The following TTN variants were observed in gnomAD, a reference collection of about 807,000 sequenced individuals.
The protein encoded by TTN is titin, also known as connectin.
In TTN, 1,525 loss-of-function variants were observed where a neutral mutation model predicts 3,223.0. The ratio of observed to expected loss-of-function variants is 0.47; its 90% CI spans 0.45 to 0.49. TTN has a LOEUF of 0.49. Among genes scored for constraint, TTN ranks in the 20% least tolerant of loss-of-function variants. The probability of loss-of-function intolerance (pLI) is 0.00; values close to 1 mark genes in which losing one functional copy is unlikely to be tolerated. For synonymous variants in TTN, 14,094 were observed against 15,161.0 expected (o/e 0.93, Z 5.17); for missense variants, 40,786 against 43,424.0 (o/e 0.94, Z 5.40).
intron 316 of TTN, 144 bp downstream of exon 316, chr2:178,581,355 C>G (rs2047698591): frequency 3.7e-6 from 2 of 534,034 alleles, no homozygotes; most frequent in Non-Finnish European, 5.9e-6. Flanking sequence ...CGTAAAGTAC[C>G]CACCCAGCTC....
At position 178,756,356 on chromosome 2, in the gene TTN, T is replaced by C; in HGVS notation, c.11120A>G (p.Lys3707Arg). 6.2e-7 allele frequency: 1 copy of C among 1,613,904 alleles called. No individual in the cohort carries two copies. The highest frequency in any genetic ancestry group is 8.5e-7 in the Non-Finnish European group (1 of 1,179,830). The stretch of plus-strand genomic sequence containing the variant: ...CTGAATATTTCCATTTTGTGATTGT[T>C]TCAGTCTCTCGGATTCCTCTATCTT... ...GAKIEESERLKQSQNGNIQFL... is the reference protein window; with the variant it reads ...GAKIEESERLRQSQNGNIQFL... The change falls in exon 46 of 363, where the codon AAA becomes AGA. Residue 3707 changes from lysine (K) to arginine (R), a missense_variant. By Grantham distance (26) the Lys-to-Arg change is conservative. Coordinates refer to ENST00000589042, the MANE Select transcript of TTN (RefSeq NM_001267550.2).
rs200165636 is a variant in TTN, at chr2:178,802,167, G to A, written c.266C>T (p.Ala89Val). 8.1e-6 allele frequency: 13 copies of A among 1,613,970 alleles called. No individual in the cohort carries two copies. Among genetic ancestry groups the A allele is most frequent in the South Asian group, 5.5e-5 (5 of 91,080 alleles). ...SLKATNGSGQ[A>V]TSTAELLVKA... ...CACGAGAAGCTCAGCAGTACTAGTC[G>A]CTTGTCCAGATCCATTGGTGGCTTT... is the stretch of plus-strand genomic sequence containing the variant. Residue 89 changes from alanine (A) to valine (V), a missense_variant, in exon 3 of 363, where the codon GCG becomes GTG. Coordinates refer to ENST00000589042, the MANE Select transcript of TTN (RefSeq NM_001267550.2).
At chr2:178,753,025 C>T in intron 47 of TTN, 99 bp downstream of exon 47, 4 of 937,666 alleles carry the variant, frequency 4.3e-6, no homozygotes, top group Non-Finnish European at 6.6e-6. Context: ...ATATCTATGT[C>T]ATTTTTTTCT....
At position 178,709,863 on chromosome 2, in the gene TTN, G is replaced by A. The variant is rs1218265312; in HGVS notation, c.28463-7C>T. 1.2e-6 allele frequency: 2 copies of A among 1,605,260 alleles called. No homozygotes were observed. Among genetic ancestry groups the A allele is most frequent in the South Asian group, 1.1e-5 (1 of 90,372 alleles). On this transcript the variant is annotated splice_polypyrimidine_tract_variant and splice_region_variant and intron_variant, in intron 98 of 362. Transcript: ENST00000589042. Reference sequence around the variant, plus strand: ...CTTGGTGGGATGAGCCGCTCTATAAGAAATTGCAAGGATATATGAAGTAGA... The same window carrying A: ...CTTGGTGGGATGAGCCGCTCTATAAAAAATTGCAAGGATATATGAAGTAGA...
chr2:178,630,870 G>C lies in TTN; in HGVS notation c.44088C>G (p.Thr14696=), dbSNP rs749706106. The C allele has an allele frequency of 4.3e-6, 7 of 1,613,290 alleles. No homozygotes were observed. In the Admixed American group the frequency reaches 6.7e-5, roughly 15 times the overall value. The change falls in exon 238 of 363, where the codon ACC becomes ACG. Residue 14696 remains threonine, a synonymous_variant. Coordinates refer to ENST00000589042, the MANE Select transcript of TTN (RefSeq NM_001267550.2). ...CGTGGATATCATCTTCAGAGATTTC[G>C]GTTTCAAAGCGTGCTGTCTCAGTCT... ...VMETETARFE[T]EISEDDIHAN...
rs2075619608 is a variant in TTN at position 178,704,972 on chromosome 2, A to G, written c.29605-6T>C. Reference sequence around the variant, plus strand: ...CTCTCTATTTCCTCAATTTCCTGAGAAGAACAAAAATGATAGGCATTACAG... The same window carrying G: ...CTCTCTATTTCCTCAATTTCCTGAGGAGAACAAAAATGATAGGCATTACAG... On this transcript the variant is annotated splice_polypyrimidine_tract_variant and splice_region_variant and intron_variant, in intron 103 of 362. Transcript: ENST00000589042. 1 of 1,611,768 alleles carries G rather than the reference A, an allele frequency of 6.2e-7. No homozygotes were observed. Among genetic ancestry groups the G allele is most frequent in the African/African-American group, 1.3e-5 (1 of 74,982 alleles).
intron 47 of TTN, chr2:178,748,405 AC>A: frequency 6.2e-7 from 1 of 1,613,222 alleles, no homozygotes; most frequent in African/African-American, 1.3e-5. Flanking sequence ...TATTTTGCAC[AC>A]TTTTAGAGAT....
rs1691408114 is a variant in TTN, at chr2:178,536,156, T to G, written c.100591A>C (p.Arg33531=). 2 of 1,613,676 alleles carry G rather than the reference T, an allele frequency of 1.2e-6. No individual in the cohort carries two copies. The highest frequency in any genetic ancestry group is 8.5e-7 in the Non-Finnish European group (1 of 1,179,716). Reference sequence around the variant, plus strand: ...TCTGCAATGATTTCTTTGCCTTGTCTGTACCATTTGACGATAGGTTTTGGA... The same window carrying G: ...TCTGCAATGATTTCTTTGCCTTGTCGGTACCATTTGACGATAGGTTTTGGA... ...GHPKPIVKWY[R]QGKEIIADGL... Residue 33531 remains arginine, a synonymous_variant, in exon 357 of 363, where the codon AGA becomes CGA. Transcript: ENST00000589042.
intron 6 of TTN, among the ~76,000 whole-genome samples, chr2:178,795,578 A>G (rs1300859146): frequency 2.6e-5 from 4 of 152,166 alleles, no homozygotes; most frequent in Non-Finnish European, 5.9e-5. Context: ...AAGGAAAGAC[A>G]TGTCAAATCC....
rs770081431 is a variant in TTN at position 178,551,224 on chromosome 2, C to T, written c.91307G>A (p.Arg30436Gln). Residue 30436 changes from arginine (R) to glutamine (Q), a missense_variant, in exon 336 of 363, where the codon CGG becomes CAG. Physicochemically the swap from Arg to Gln is conservative, Grantham distance 43. Coordinates refer to ENST00000589042, the MANE Select transcript of TTN (RefSeq NM_001267550.2). ...PGTPDYIDVTRETITLKWNPP... is the reference protein window; with the variant it reads ...PGTPDYIDVTQETITLKWNPP... ...GTTCCATTTAAGTGTGATGGTTTCC[C>T]GGGTGACATCAATGTAGTCAGGAGT... 2.8e-5 allele frequency: 45 copies of T among 1,613,040 alleles called. No homozygotes were observed. Among genetic ancestry groups the T allele is most frequent in the Middle Eastern group, 1.6e-4 (1 of 6,078 alleles).
Position 178,540,124 on chromosome 2 carries a change from C to T in TTN, c.98042G>A (p.Gly32681Asp). Residue 32681 changes from glycine to aspartate, a missense_variant, in exon 351 of 363, where the codon GGT becomes GAT. Transcript: ENST00000589042. ...YRFRVLACNA[G>D]GPGEPAEVPG... ...TACCTCAGCAGGCTCACCAGGTCCA[C>T]CAGCATTACAAGCTAGGACGCGGAA... 6.2e-7 allele frequency: 1 copy of T among 1,611,870 alleles called. No homozygotes were observed. The highest frequency in any genetic ancestry group is 8.5e-7 in the Non-Finnish European group (1 of 1,178,196).
intron 163 of TTN, among the ~76,000 whole-genome samples, chr2:178,666,424 C>T (rs778034840): frequency 6.6e-6 from 1 of 152,154 alleles, no homozygotes; most frequent in South Asian, 2.1e-4. Context: ...CCAGCTTTAA[C>T]TGGAATTATT....
At position 178,591,239 on chromosome 2, in the gene TTN, T is replaced by C; in HGVS notation, c.60486A>G (p.Val20162=). 6.2e-7 allele frequency: 1 copy of C among 1,613,420 alleles called. No homozygotes were observed. Among genetic ancestry groups the C allele is most frequent in the Non-Finnish European group, 8.5e-7 (1 of 1,179,568 alleles). Residue 20162 remains valine (V), a synonymous_variant, in exon 304 of 363, where the codon GTA becomes GTG. Transcript: ENST00000589042. The part of the protein sequence containing the change: ...TVSNAAGSKT[V]AVHLTVLDVP... The stretch of plus-strand genomic sequence containing the variant: ...CATCAAGAACAGTAAGATGTACGGC[T>C]ACTGTTTTGCTACCGGCTGCATTGG...
chr2:178,775,663 G>A lies in TTN; in HGVS notation c.6201C>T (p.Asp2067=), dbSNP rs534752845. Residue 2067 remains aspartate (D), a synonymous_variant, in exon 28 of 363, where the codon GAC becomes GAT. Transcript: ENST00000589042. ...GKITIPTFKP[D]KIELSPSMEA... ...CCATACTAGGACTTAGTTCAATCTTGTCAGGTTTAAAAGTTGGAATCGTGA... is the reference window on the plus strand; with the variant it reads ...CCATACTAGGACTTAGTTCAATCTTATCAGGTTTAAAAGTTGGAATCGTGA... 2 of 1,614,070 alleles carry A rather than the reference G, an allele frequency of 1.2e-6. No individual in the cohort carries two copies. The highest frequency in any genetic ancestry group is 1.3e-5 in the African/African-American group (1 of 75,034).
rs138427571 is a variant in TTN, at chr2:178,749,044, C to T, written c.11311+4080G>A. 4.8e-5 allele frequency: 78 copies of T among 1,612,424 alleles called. No homozygotes were observed. The African/African-American group carries it at 8.7e-4, about 18-fold the overall frequency. On this transcript the variant is annotated intron_variant, in intron 47 of 362. Coordinates refer to ENST00000589042, the MANE Select transcript of TTN (RefSeq NM_001267550.2). Reference sequence around the variant, plus strand: ...TAATTCTATGCTTCACCTTTTTCCCCGGGTAGTGTATCTCTTCACCAAGGG... The same window carrying T: ...TAATTCTATGCTTCACCTTTTTCCCTGGGTAGTGTATCTCTTCACCAAGGG...
At position 178,646,107 on chromosome 2, in the gene TTN, TATATATATATATATATATATATA is replaced by T. The variant is rs2061922355; in HGVS notation, c.40298-100_40298-78del. On this transcript the variant is annotated intron_variant, in intron 216 of 362. Transcript: ENST00000589042. ...TATGTAGTATATTTAATAGAAATTA[TATATATATATATATATATATATA>T]TATATATATATATATATGAAGTACA... 8 of 85,284 alleles carry T rather than the reference TATATATATATATATATATATATA, an allele frequency of 9.4e-5. 1 individual carries two copies. Among genetic ancestry groups the T allele is most frequent in the South Asian group, 4.3e-4 (1 of 2,320 alleles). 5.3% of individuals were successfully genotyped at this position (85,284 alleles called of 1,614,324 possible).
rs2051384370 is a variant in TTN at position 178,595,734 on chromosome 2, G to C, written c.57620C>G (p.Ser19207Cys). ...TGGAGAGCCTCCATCATCTTCTGGA[G>C]AAAACCATGTCAGTTTGCAGGACTC... ...TNESCKLTWF[S>C]PEDDGGSPIT... Residue 19207 changes from serine to cysteine, a missense_variant, in exon 295 of 363, where the codon TCT becomes TGT. Ser to Cys is a moderately radical substitution (Grantham distance 112). Coordinates refer to ENST00000589042, the MANE Select transcript of TTN (RefSeq NM_001267550.2). 1 of 1,609,346 alleles carries C rather than the reference G, an allele frequency of 6.2e-7. No individual in the cohort carries two copies. The highest frequency in any genetic ancestry group is 1.7e-5 in the Admixed American group (1 of 59,548).
Position 178,711,172 on chromosome 2 carries a change from G to A in TTN, c.28064C>T (p.Thr9355Ile), listed in dbSNP as rs763942844. 4.3e-6 allele frequency: 7 copies of A among 1,613,854 alleles called. No individual in the cohort carries two copies. The highest frequency in any genetic ancestry group is 5.9e-6 in the Non-Finnish European group (7 of 1,179,788). The change falls in exon 97 of 363, where the codon ACA becomes ATA. Residue 9355 changes from threonine to isoleucine, a missense_variant. Transcript: ENST00000589042. The part of the protein sequence containing the change: ...PNVQTSFLDN[T>I]ATLNIFKTDR... ...AGTTTTAAAAATATTGAGTGTGGCT[G>A]TATTGTCTAAAAATGATGTTTGTAC...
intron 7 of TTN, 53 bp downstream of exon 7, chr2:178,794,869 G>T (rs2093685289): frequency 6.3e-6 from 10 of 1,588,222 alleles, no homozygotes; most frequent in African/African-American, 1.3e-5. Context: ...CAGAAATCCA[G>T]TTGGAGAAAC....
Sources: gnomAD v4.1 joint callset for allele counts (sites outside exome capture counted in the v4.1 genomes callset) on GRCh38, gnomAD v4.1.1 for gene constraint, MANE v1.5 for transcripts, NCBI Gene and HGNC (gene_info 2026-07-23, HGNC 2026-07-21) for gene names.